NLGN1: variants seen among roughly 807,000 people sequenced by gnomAD.
NLGN1 encodes neuroligin 1, also known as neuroligin-1.
NLGN1 carries 12 observed loss-of-function variants against 65.5 expected under a neutral mutation model. The ratio of observed to expected loss-of-function variants is 0.18; its 90% CI spans 0.12 to 0.30. The LOEUF (loss-of-function observed/expected upper bound fraction) is 0.30, where lower values mean the gene tolerates loss of function less well. Among genes scored for constraint, NLGN1 ranks in the 10% least tolerant of loss-of-function variants. The probability of loss-of-function intolerance (pLI) is 1.00; values close to 1 mark genes in which losing one functional copy is unlikely to be tolerated. For missense variants in NLGN1, 750 were observed against 1,007.1 expected, an observed-to-expected ratio of 0.74 and a Z score of 3.46; for synonymous variants, 350 against 359.5, an observed-to-expected ratio of 0.97 and a Z score of 0.30.
At chr3:173,652,538 G>A (rs1759364761) in intron 3 of NLGN1, among the ~76,000 whole-genome samples, 1 of 152,030 alleles carries the variant, frequency 6.6e-6, no homozygotes, top group South Asian at 2.1e-4. Context: ...GTACGTTTTT[G>A]TCAATCTGTT....
chr3:173,821,917 A>T (rs1462926089), intron 4 of NLGN1, among the ~76,000 whole-genome samples: 4 of 152,192 alleles, frequency 2.6e-5, no homozygotes, highest in African/African-American at 9.6e-5. Flanking sequence ...TTATGTTGAG[A>T]TATACATAAT....
chr3:174,030,245 C>T (rs1729712027), intron 4 of NLGN1, among the ~76,000 whole-genome samples: 1 of 151,764 alleles, frequency 6.6e-6, no homozygotes, highest in South Asian at 2.1e-4. Flanking sequence ...CCTGCCTCAG[C>T]CTCCCAAGTA....
intron 1 of NLGN1, among the ~76,000 whole-genome samples, chr3:173,428,097 A>G (rs1197465618): frequency 6.6e-6 from 1 of 151,810 alleles, no homozygotes; most frequent in Admixed American, 6.6e-5. Context: ...TTGGACTTGA[A>G]GTCTATTTTA....
chr3:174,287,921 A>C (rs60658266), downstream of NLGN1, among the ~76,000 whole-genome samples: 4,150 of 151,662 alleles, frequency 0.027, 187 homozygotes, highest in African/African-American at 0.096. Flanking sequence ...AGTGAACATC[A>C]ATCAAGCAAT....
At chr3:174,281,235 G>A in exon 7 of NLGN1, 2 of 1,613,038 alleles carry the variant, frequency 1.2e-6, no homozygotes, top group South Asian at 1.1e-5. Context: ...TACATTTACT[G>A]GAGGACAGAA....
At chr3:174,076,724 A>AGAGTGTGT (rs1491274049) in intron 4 of NLGN1, among the ~76,000 whole-genome samples, 103 of 82,098 alleles carry the variant, frequency 1.3e-3, no homozygotes, top group Non-Finnish European at 1.8e-3. Context: ...AGAGAGAGAG[A>AGAGTGTGT]GTGTGTGTGT....
intron 3 of NLGN1, among the ~76,000 whole-genome samples, chr3:173,692,981 T>C (rs1765690003): frequency 6.6e-6 from 1 of 152,110 alleles, no homozygotes; most frequent in East Asian, 1.9e-4. Flanking sequence ...GTTTCAATCA[T>C]ACCAAGTATC....
intron 4 of NLGN1, among the ~76,000 whole-genome samples, chr3:174,246,646 T>C (rs899288541): frequency 4.6e-5 from 7 of 152,206 alleles, no homozygotes; most frequent in Non-Finnish European, 8.8e-5. Flanking sequence ...CTCAAACTCC[T>C]GGCCTCAAGT....
chr3:173,684,875 G>A (rs537900689), intron 3 of NLGN1, among the ~76,000 whole-genome samples: 5 of 152,162 alleles, frequency 3.3e-5, no homozygotes, highest in Admixed American at 1.3e-4. Flanking sequence ...TAACAGTGGA[G>A]TGTTATTACA....
chr3:173,641,486 A>G (rs1325291787), intron 3 of NLGN1, among the ~76,000 whole-genome samples: 4 of 152,046 alleles, frequency 2.6e-5, no homozygotes, highest in Admixed American at 2.0e-4. Flanking sequence ...TAGTAGAGAC[A>G]GGGTTTCGCC....
At chr3:174,121,750 G>C (rs1717825287) in intron 4 of NLGN1, among the ~76,000 whole-genome samples, 1 of 152,076 alleles carries the variant, frequency 6.6e-6, no homozygotes, top group African/African-American at 2.4e-5. Context: ...TACACAATGA[G>C]AACTATATAC....
At chr3:174,064,084 C>G (rs781430449) in intron 4 of NLGN1, among the ~76,000 whole-genome samples, 1 of 151,850 alleles carries the variant, frequency 6.6e-6, no homozygotes, top group South Asian at 2.1e-4. Context: ...AGAGGTTGCA[C>G]TGAGCCAAGA....
At chr3:173,728,518 C>A (rs899901619) in intron 3 of NLGN1, among the ~76,000 whole-genome samples, 2 of 151,938 alleles carry the variant, frequency 1.3e-5, no homozygotes, top group African/African-American at 4.8e-5. Context: ...ATAGTGCCCC[C>A]CCTCCAACAA....
chr3:173,985,298 G>C (rs1437158404), intron 4 of NLGN1, among the ~76,000 whole-genome samples: 2 of 152,154 alleles, frequency 1.3e-5, no homozygotes, highest in African/African-American at 4.8e-5. Context: ...CCCTAGGCTT[G>C]GAGTCATTCT....
rs568371835 is a variant in NLGN1 at position 173,805,381 on chromosome 3, A to C, written c.494-2299A>C. Among the ~76,000 whole-genome samples, 443 of 152,326 alleles carry C rather than the reference A, an allele frequency of 2.9e-3. 6 individuals are homozygous for C. Among genetic ancestry groups the C allele is most frequent in the African/African-American group, 9.9e-3 (410 of 41,576 alleles). On this transcript the variant is annotated intron_variant, in intron 3 of 6. Coordinates refer to ENST00000457714, the Ensembl canonical transcript of NLGN1. ...TGAAATTTGAAAAGTTTGAAAAGGC[A>C]AATTAAAAATTAAGATTAACCCAGA...
At chr3:173,603,027 A>C (rs917248233) in intron 2 of NLGN1, among the ~76,000 whole-genome samples, 4 of 152,130 alleles carry the variant, frequency 2.6e-5, no homozygotes, top group African/African-American at 9.6e-5. Context: ...TCAGAGCTAA[A>C]GACACACTAG....
intron 3 of NLGN1, among the ~76,000 whole-genome samples, chr3:173,642,449 C>T (rs1757568498): frequency 6.6e-6 from 1 of 152,248 alleles, no homozygotes; most frequent in South Asian, 2.1e-4. Context: ...TTAAAACATG[C>T]ATGTGAAGAA....
intron 2 of NLGN1, among the ~76,000 whole-genome samples, chr3:173,504,573 C>A (rs908750647): frequency 2.0e-5 from 3 of 152,068 alleles, no homozygotes; most frequent in African/African-American, 7.2e-5. Flanking sequence ...GCTATCCACA[C>A]TTGTCTACTG....
intron 4 of NLGN1, among the ~76,000 whole-genome samples, chr3:174,117,662 C>A (rs941762030): frequency 2.0e-5 from 3 of 151,690 alleles, no homozygotes; most frequent in African/African-American, 7.3e-5. Context: ...CTGCTTATGG[C>A]TGGTGAGGAA....
Sources: allele counts gnomAD v4.1 joint callset (sites outside exome capture counted in the v4.1 genomes callset), GRCh38; gene constraint gnomAD v4.1.1; transcripts MANE v1.5; gene names NCBI Gene and HGNC (gene_info 2026-07-23, HGNC 2026-07-21).